Variants in PROS1 observed in about 807,000 individuals in gnomAD.
PROS1 encodes vitamin K-dependent protein S.
Under a neutral mutation model 75.9 loss-of-function variants are expected in PROS1, and 29 were observed. That is an observed-to-expected ratio of 0.38 (90% CI 0.28 to 0.52). The LOEUF is 0.52. Ranked by LOEUF, PROS1 falls within the 20% of genes least tolerant of loss-of-function variation. The pLI is 0.83. For missense variants in PROS1, 680 were observed against 810.3 expected, an observed-to-expected ratio of 0.84 and a Z score of 1.95; for synonymous variants, 245 against 280.6, an observed-to-expected ratio of 0.87 and a Z score of 1.27.
intron 3 of PROS1, chr3:93,911,012 T>A (rs1198185432): frequency 3.0e-6 from 1 of 328,176 alleles, no homozygotes; most frequent in Non-Finnish European, 5.7e-6. Context: ...GTCATATAAG[T>A]CTATGTTTTT....
intron 1 of PROS1, among the ~76,000 whole-genome samples, chr3:93,972,333 A>C (rs1157259225): frequency 6.6e-6 from 1 of 152,210 alleles, no homozygotes; most frequent in Admixed American, 6.5e-5. Flanking sequence ...ATCAAAAAAT[A>C]ATGTTTTAGT....
chr3:93,881,923 T>C (rs891023982), intron 12 of PROS1, among the ~76,000 whole-genome samples: 1 of 152,152 alleles, frequency 6.6e-6, no homozygotes, highest in Non-Finnish European at 1.5e-5. Context: ...AAAGCAGAGA[T>C]ATCACATTAG....
At chr3:93,934,935 G>GAA (rs571538273) in intron 1 of PROS1, among the ~76,000 whole-genome samples, 7 of 139,608 alleles carry the variant, frequency 5.0e-5, no homozygotes, top group South Asian at 4.6e-4. Flanking sequence ...CCCTTTCTAG[G>GAA]AAAAAAAAAA....
intron 1 of PROS1, among the ~76,000 whole-genome samples, chr3:93,942,771 C>A (rs1709308544): frequency 6.6e-6 from 1 of 152,196 alleles, no homozygotes; most frequent in East Asian, 1.9e-4. Flanking sequence ...TGCTTTCCAT[C>A]ATGGAAATCT....
At chr3:93,954,195 T>G (rs897585181) in intron 1 of PROS1, among the ~76,000 whole-genome samples, 2 of 152,180 alleles carry the variant, frequency 1.3e-5, no homozygotes, top group South Asian at 2.1e-4. Context: ...AAGCTACCGA[T>G]GACTTTCTTC....
intron 1 of PROS1, among the ~76,000 whole-genome samples, chr3:93,969,669 A>T (rs1040673702): frequency 6.6e-6 from 1 of 152,078 alleles, no homozygotes. Flanking sequence ...AAATGTTCGC[A>T]TTCCTTCTGT....
At chr3:93,941,085 C>T (rs1029583890) in intron 1 of PROS1, among the ~76,000 whole-genome samples, 2 of 152,154 alleles carry the variant, frequency 1.3e-5, no homozygotes, top group African/African-American at 4.8e-5. Context: ...ACCCATCAGT[C>T]CCTGCAAATT....
chr3:93,902,651 G>T (rs959373117), intron 6 of PROS1, among the ~76,000 whole-genome samples: 2 of 151,782 alleles, frequency 1.3e-5, no homozygotes, highest in African/African-American at 2.4e-5. Flanking sequence ...TACTCGGGAG[G>T]CTGAGGCAGG....
chr3:93,950,933 A>C (rs1709485200), intron 1 of PROS1, among the ~76,000 whole-genome samples: 1 of 151,778 alleles, frequency 6.6e-6, no homozygotes, highest in African/African-American at 2.4e-5. Context: ...GAAGCTAAAA[A>C]CCTTGAAAAA....
intron 3 of PROS1, among the ~76,000 whole-genome samples, chr3:93,914,960 T>G (rs2107184318): frequency 6.6e-6 from 1 of 152,276 alleles, no homozygotes; most frequent in East Asian, 1.9e-4. Context: ...TCACTCAGAC[T>G]AAAGAGCCCC....
intron 9 of PROS1, among the ~76,000 whole-genome samples, chr3:93,893,369 A>C (rs565731941): frequency 3.3e-4 from 51 of 152,312 alleles, no homozygotes; most frequent in African/African-American, 9.9e-4. Context: ...CCCAGGGAAC[A>C]GATGCTTTGG....
At chr3:93,923,513 T>G (rs1281053173) in intron 3 of PROS1, among the ~76,000 whole-genome samples, 1 of 152,230 alleles carries the variant, frequency 6.6e-6, no homozygotes, top group Non-Finnish European at 1.5e-5. Flanking sequence ...ATACTATCTT[T>G]TCTACACTTT....
At chr3:93,970,745 T>C (rs1213907638) in intron 1 of PROS1, among the ~76,000 whole-genome samples, 1 of 152,226 alleles carries the variant, frequency 6.6e-6, no homozygotes, top group East Asian at 1.9e-4. Context: ...CTCTGAACAA[T>C]TTCTTTTTTT....
chr3:93,904,656 G>A (rs1708647517), intron 6 of PROS1, among the ~76,000 whole-genome samples: 1 of 151,744 alleles, frequency 6.6e-6, no homozygotes, highest in Non-Finnish European at 1.5e-5. Context: ...AAGTACTGGA[G>A]GAGAGAACTT....
At chr3:93,967,572 C>A (rs1709810587) in intron 1 of PROS1, among the ~76,000 whole-genome samples, 1 of 152,148 alleles carries the variant, frequency 6.6e-6, no homozygotes, top group African/African-American at 2.4e-5. Context: ...ATGGTATGTT[C>A]TCTGTACCAG....
At chr3:93,952,748 T>C (rs1169327739) in intron 1 of PROS1, among the ~76,000 whole-genome samples, 6 of 151,950 alleles carry the variant, frequency 3.9e-5, no homozygotes, top group African/African-American at 1.2e-4. Context: ...CTGAAGGAGA[T>C]AGAGACACAA....
At chr3:93,934,029 AT>A (rs1263721948) in intron 1 of PROS1, among the ~76,000 whole-genome samples, 47 of 130,076 alleles carry the variant, frequency 3.6e-4, no homozygotes, top group Admixed American at 1.2e-3. Flanking sequence ...AAAAAAAAAA[AT>A]TTAACCAGGA....
intron 6 of PROS1, among the ~76,000 whole-genome samples, chr3:93,901,587 T>C (rs1708593950): frequency 1.3e-5 from 2 of 152,212 alleles, no homozygotes; most frequent in Non-Finnish European, 2.9e-5. Flanking sequence ...GGAGACGGAA[T>C]TATTAGTGAA....
chr3:93,958,909 C>A (rs951954204), intron 1 of PROS1, among the ~76,000 whole-genome samples: 3 of 152,154 alleles, frequency 2.0e-5, no homozygotes, highest in African/African-American at 7.2e-5. Context: ...TTATCAGCAG[C>A]ATGAAAACAG....
Sources: allele counts gnomAD v4.1 joint callset (sites outside exome capture counted in the v4.1 genomes callset), GRCh38; gene constraint gnomAD v4.1.1; transcripts MANE v1.5; gene names NCBI Gene and HGNC (gene_info 2026-07-23, HGNC 2026-07-21).